FARP1: variants seen among roughly 807,000 people sequenced by gnomAD.
FARP1 encodes the protein FERM, ARH/RhoGEF and pleckstrin domain protein 1, also known as FERM, ARHGEF and pleckstrin domain-containing protein 1.
In FARP1, 52 loss-of-function variants were observed where a neutral mutation model predicts 128.8. That is an observed-to-expected ratio of 0.40 (90% CI 0.32 to 0.51). The LOEUF (loss-of-function observed/expected upper bound fraction) is 0.51, where lower values mean the gene tolerates loss of function less well. Among genes scored for constraint, FARP1 ranks in the 20% least tolerant of loss-of-function variants. The pLI is 0.45. For missense variants in FARP1, 1,333 were observed against 1,367.9 expected, an observed-to-expected ratio of 0.97 and a Z score of 0.40; for synonymous variants, 580 against 551.8, an observed-to-expected ratio of 1.05 and a Z score of -0.72.
intron 1 of FARP1, among the ~76,000 whole-genome samples, chr13:98,155,810 C>T (rs1468862835): frequency 1.3e-5 from 2 of 152,310 alleles, no homozygotes; most frequent in East Asian, 1.9e-4. Context: ...TGAGCCACTG[C>T]GCCTGGCCCT....
At chr13:98,277,052 TC>T (rs773636928) in intron 2 of FARP1, among the ~76,000 whole-genome samples, 137 of 150,750 alleles carry the variant, frequency 9.1e-4, no homozygotes, top group Non-Finnish European at 3.7e-4. Flanking sequence ...GTTTGTTAGA[TC>T]AAATCAGAAT....
chr13:98,156,508 T>G (rs192572), intron 1 of FARP1, among the ~76,000 whole-genome samples: 1 of 152,112 alleles, frequency 6.6e-6, no homozygotes, highest in East Asian at 1.9e-4. Flanking sequence ...TCCTGGCTCA[T>G]ATGATCCTCC....
At chr13:98,256,948 GAT>G (rs56701739) in intron 2 of FARP1, among the ~76,000 whole-genome samples, 9,555 of 76,754 alleles carry the variant, frequency 0.12, 1,784 homozygotes, top group Non-Finnish European at 0.17. Context: ...TATATATGTG[GAT>G]ATATATATAT....
chr13:98,246,328 C>G (rs1471045860), intron 2 of FARP1, among the ~76,000 whole-genome samples: 3 of 39,902 alleles, frequency 7.5e-5, no homozygotes, highest in Non-Finnish European at 1.0e-4. Flanking sequence ...ATCTCCTGAC[C>G]TCGTGATCCC....
intron 2 of FARP1, among the ~76,000 whole-genome samples, chr13:98,289,370 G>C (rs549643390): frequency 3.0e-4 from 45 of 152,286 alleles, no homozygotes; most frequent in African/African-American, 1.0e-3. Context: ...CATTCCCGCT[G>C]AGTGCAAATC....
intron 13 of FARP1, chr13:98,396,366 C>T (rs2140075899): frequency 2.5e-6 from 1 of 399,184 alleles, no homozygotes; most frequent in South Asian, 1.3e-4. Flanking sequence ...GTCAGCCCCT[C>T]ATATTTGGTA....
chr13:98,219,763 T>C (rs920671843), intron 2 of FARP1, among the ~76,000 whole-genome samples: 6 of 152,166 alleles, frequency 3.9e-5, no homozygotes, highest in African/African-American at 1.4e-4. Flanking sequence ...CCTTCTGGGC[T>C]CAGCGGGCCT....
In FARP1 at chr13:98,435,467, AC is replaced by A; in HGVS notation, c.2144-108del. On this transcript the variant is annotated intron_variant, in intron 18 of 26. Coordinates refer to ENST00000319562, the MANE Select transcript of FARP1 (RefSeq NM_005766.4). Reference sequence around the variant, plus strand: ...TTTTGCTCAAAAGACACCTTTGAATACTGTGCAGGGACTGGAGTGATTTCCC... The same window carrying A: ...TTTTGCTCAAAAGACACCTTTGAATATGTGCAGGGACTGGAGTGATTTCCC... The A allele has an allele frequency of 7.4e-6, 8 of 1,081,940 alleles. 1 individual carries two copies. In the South Asian group the frequency reaches 1.3e-4, roughly 18 times the overall value. The allele number at this position is 1,081,940 out of a possible 1,614,324, so 67.0% of individuals were successfully genotyped here. A position where few individuals can be genotyped will look rare whatever the true frequency, so the allele number is the denominator to read the frequency against.
At chr13:98,421,392 G>A (rs1891586894) in intron 16 of FARP1, among the ~76,000 whole-genome samples, 1 of 152,168 alleles carries the variant, frequency 6.6e-6, no homozygotes, top group African/African-American at 2.4e-5. Flanking sequence ...GTCTATGAGA[G>A]AGAGGATATT....
At position 98,176,897 on chromosome 13, in the gene FARP1, A is replaced by C; in HGVS notation, c.-24+33405A>C. The C allele has an allele frequency of 6.2e-7, 1 of 1,605,760 alleles. No individual in the cohort carries two copies. The highest frequency in any genetic ancestry group is 8.5e-7 in the Non-Finnish European group (1 of 1,179,822). ...TGCTCCTTCTCGGTGTCCTGCTCGAAGTCAGCGGTGGCCCCCATGTCCTCT... is the reference window on the plus strand; with the variant it reads ...TGCTCCTTCTCGGTGTCCTGCTCGACGTCAGCGGTGGCCCCCATGTCCTCT... On this transcript the variant is annotated intron_variant, in intron 1 of 26. Coordinates refer to ENST00000319562, the MANE Select transcript of FARP1 (RefSeq NM_005766.4). The surrounding 1 kb of genome is among the most constrained non-coding windows in gnomAD (Gnocchi z 6.2).
chr13:98,255,482 C>G (rs1749353856), intron 2 of FARP1, among the ~76,000 whole-genome samples: 1 of 151,806 alleles, frequency 6.6e-6, no homozygotes, highest in South Asian at 2.1e-4. Flanking sequence ...GCCCGGGCAA[C>G]AGAGTGAGAC....
At position 98,351,943 on chromosome 13, in the gene FARP1, G is replaced by T. The variant is rs746353998; in HGVS notation, c.276+8077G>T. On this transcript the variant is annotated intron_variant, in intron 3 of 26. Transcript: ENST00000319562. ...GGGAATCACATTTCAACAAGATTTG[G>T]AAGGGACAAATACCCAAACCATATC... is the stretch of plus-strand genomic sequence containing the variant. 1.3e-5 allele frequency among the ~76,000 whole-genome samples: 2 copies of T among 152,110 alleles called. 1 individual carries two copies. The highest frequency in any genetic ancestry group is 1.3e-4 in the Admixed American group (2 of 15,278).
intron 19 of FARP1, among the ~76,000 whole-genome samples, chr13:98,438,156 G>C (rs1037431680): frequency 2.0e-5 from 3 of 152,146 alleles, no homozygotes; most frequent in Admixed American, 6.5e-5. Flanking sequence ...GCCCTCAAGA[G>C]TGTACAGCCC....
chr13:98,281,394 A>G (rs1230212778), intron 2 of FARP1, among the ~76,000 whole-genome samples: 1 of 151,952 alleles, frequency 6.6e-6, no homozygotes, highest in Admixed American at 6.6e-5. Context: ...AGTTCCTTTC[A>G]GCAAGCTTGT....
chr13:98,288,383 G>A (rs1325018343), intron 2 of FARP1, among the ~76,000 whole-genome samples: 3 of 152,132 alleles, frequency 2.0e-5, no homozygotes, highest in African/African-American at 4.8e-5. Context: ...TCCTCTCCAC[G>A]CTCCCGCCCC....
chr13:98,240,324 C>T (rs1486155934), intron 2 of FARP1, among the ~76,000 whole-genome samples: 1 of 152,110 alleles, frequency 6.6e-6, no homozygotes, highest in African/African-American at 2.4e-5. Context: ...CTGCTTTGGC[C>T]TTGGTGGGAG....
At chr13:98,349,081 T>C (rs187273520) in intron 3 of FARP1, among the ~76,000 whole-genome samples, 1 of 152,254 alleles carries the variant, frequency 6.6e-6, no homozygotes, top group East Asian at 1.9e-4. Flanking sequence ...ATTTATCTCA[T>C]TGGCCTATTG....
Position 98,176,113 on chromosome 13 carries a change from T to A in FARP1, c.-24+32621T>A, listed in dbSNP as rs1199948961. 9.9e-6 allele frequency: 15 copies of A among 1,521,124 alleles called. No homozygotes were observed. Among genetic ancestry groups the A allele is most frequent in the Non-Finnish European group, 1.4e-5 (15 of 1,100,798 alleles). 94.2% of individuals were successfully genotyped at this position (1,521,124 alleles called of 1,614,324 possible). On this transcript the variant is annotated intron_variant, in intron 1 of 26. Coordinates refer to ENST00000319562, the MANE Select transcript of FARP1 (RefSeq NM_005766.4). The surrounding 1 kb of genome is among the most constrained non-coding windows in gnomAD (Gnocchi z 6.2). Reference sequence around the variant, plus strand: ...CAGGAAGACTGTCATCTCTCTCATCTTACTCAACAGGCTGCTTCTCCCCAG... The same window carrying A: ...CAGGAAGACTGTCATCTCTCTCATCATACTCAACAGGCTGCTTCTCCCCAG...
At chr13:98,183,616 A>C (rs1395167859) in intron 1 of FARP1, among the ~76,000 whole-genome samples, 1 of 152,062 alleles carries the variant, frequency 6.6e-6, no homozygotes, top group Non-Finnish European at 1.5e-5. Flanking sequence ...GCTTCTGTTG[A>C]TTATTTTTAC....
Sources: gnomAD v4.1 joint callset for allele counts (sites outside exome capture counted in the v4.1 genomes callset) on GRCh38, gnomAD v4.1.1 for gene constraint, Gnocchi (gnomAD v3.1) non-coding constraint, MANE v1.5 for transcripts, NCBI Gene and HGNC (gene_info 2026-07-23, HGNC 2026-07-21) for gene names.